Variants in LRP1B observed in about 807,000 individuals in gnomAD.
LRP1B encodes the protein low-density lipoprotein receptor-related protein 1B.
A neutral mutation model predicts 556.6 loss-of-function variants in LRP1B; 217 were observed. The ratio of observed to expected loss-of-function variants is 0.39; its 90% CI spans 0.35 to 0.44. The LOEUF is 0.44. LRP1B is among the 20% of genes least tolerant of loss of function. The pLI, the probability that LRP1B is intolerant of heterozygous loss-of-function variation, is 1.00. For missense variants in LRP1B, 5,053 were observed against 5,620.8 expected, an observed-to-expected ratio of 0.90 and a Z score of 3.23; for synonymous variants, 2,047 against 1,865.8, an observed-to-expected ratio of 1.10 and a Z score of -2.50.
At chr2:141,517,623 T>TA (rs1395109080) in intron 2 of LRP1B, among the ~76,000 whole-genome samples, 2 of 152,024 alleles carry the variant, frequency 1.3e-5, no homozygotes, top group Admixed American at 6.6e-5. Flanking sequence ...ATGCAAAAAA[T>TA]AAAAAAATAA....
At chr2:140,439,925 G>T (rs1318866585) in intron 66 of LRP1B, among the ~76,000 whole-genome samples, 2 of 151,896 alleles carry the variant, frequency 1.3e-5, no homozygotes, top group African/African-American at 2.4e-5. Context: ...CCCATTATAT[G>T]TATATTTTGT....
chr2:141,447,713 A>C (rs1573956146), intron 3 of LRP1B, among the ~76,000 whole-genome samples: 2 of 152,038 alleles, frequency 1.3e-5, no homozygotes. Context: ...TCCACTCCAG[A>C]CCCTGTTTGC....
intron 41 of LRP1B, among the ~76,000 whole-genome samples, chr2:140,605,023 A>G (rs1267794122): frequency 6.6e-6 from 1 of 152,114 alleles, no homozygotes; most frequent in African/African-American, 2.4e-5. Context: ...AGTCTCGGGT[A>G]TGTCTTTATT....
intron 1 of LRP1B, among the ~76,000 whole-genome samples, chr2:141,957,507 A>T (rs1456121927): frequency 6.6e-6 from 1 of 151,798 alleles, no homozygotes; most frequent in Non-Finnish European, 1.5e-5. Context: ...GTCACAGCTG[A>T]GAGGTATTAA....
chr2:140,734,922 G>T (rs1267000001), intron 35 of LRP1B, among the ~76,000 whole-genome samples: 1 of 152,020 alleles, frequency 6.6e-6, no homozygotes, highest in Non-Finnish European at 1.5e-5. Context: ...CTTTCATATG[G>T]CTCAGATCTG....
chr2:140,944,779 C>T (rs1472823708), intron 20 of LRP1B, among the ~76,000 whole-genome samples: 1 of 152,100 alleles, frequency 6.6e-6, no homozygotes, highest in Non-Finnish European at 1.5e-5. Context: ...TAAGAGCTGT[C>T]TATGACAAAC....
intron 2 of LRP1B, among the ~76,000 whole-genome samples, chr2:141,746,234 T>C (rs1693911116): frequency 6.6e-6 from 1 of 152,076 alleles, no homozygotes. Flanking sequence ...GTTGTAGTCT[T>C]TATGGCCTAG....
intron 83 of LRP1B, among the ~76,000 whole-genome samples, 154 bp from the exon 84 acceptor site, chr2:140,298,123 T>G (rs1471318176): frequency 1.3e-5 from 2 of 152,198 alleles, no homozygotes; most frequent in Non-Finnish European, 2.9e-5. Context: ...AAGACTTCTT[T>G]GGGTCTCAGT....
At chr2:141,991,411 T>C (rs967474260) in intron 1 of LRP1B, among the ~76,000 whole-genome samples, 1 of 152,040 alleles carries the variant, frequency 6.6e-6, no homozygotes, top group African/African-American at 2.4e-5. Context: ...TTGTGCCCTG[T>C]GCCAATCCTT....
At chr2:140,260,668 C>CTT (rs1471588265) in intron 86 of LRP1B, among the ~76,000 whole-genome samples, 17 of 151,536 alleles carry the variant, frequency 1.1e-4, no homozygotes, top group Non-Finnish European at 2.2e-4. Context: ...AATCCCTTTC[C>CTT]CTATATAGCC....
chr2:140,661,958 C>A (rs1045872435), intron 41 of LRP1B, among the ~76,000 whole-genome samples: 1 of 152,072 alleles, frequency 6.6e-6, no homozygotes, highest in Non-Finnish European at 1.5e-5. Flanking sequence ...TGACATAAGT[C>A]ATCTGAATAA....
chr2:141,817,121 G>T (rs530591826), intron 1 of LRP1B, among the ~76,000 whole-genome samples: 10 of 152,166 alleles, frequency 6.6e-5, no homozygotes, highest in African/African-American at 2.4e-4. Flanking sequence ...AGCTAAACAT[G>T]TTGTATATAT....
At chr2:140,516,354 A>G (rs920361354) in intron 50 of LRP1B, among the ~76,000 whole-genome samples, 1 of 152,112 alleles carries the variant, frequency 6.6e-6, no homozygotes, top group East Asian at 1.9e-4. Context: ...ACATTGTATT[A>G]GGCATTATAA....
chr2:141,715,758 T>C (rs1289451786), intron 2 of LRP1B, among the ~76,000 whole-genome samples: 1 of 152,096 alleles, frequency 6.6e-6, no homozygotes, highest in East Asian at 1.9e-4. Context: ...GAGGTTGTAG[T>C]GAGCCAAGAT....
intron 2 of LRP1B, among the ~76,000 whole-genome samples, chr2:141,611,852 C>A (rs1688118668): frequency 6.6e-6 from 1 of 152,140 alleles, no homozygotes; most frequent in African/African-American, 2.4e-5. Flanking sequence ...GGTGTATGGT[C>A]TCATTTTATT....
intron 14 of LRP1B, 134 bp from the exon 15 acceptor site, chr2:141,005,591 G>T: frequency 1.5e-6 from 1 of 670,296 alleles, no homozygotes; most frequent in Non-Finnish European, 2.2e-6. Context: ...GAAGATTTCT[G>T]TTGAATCATA....
intron 41 of LRP1B, among the ~76,000 whole-genome samples, chr2:140,612,621 T>C (rs113501530): frequency 0.02 from 3,045 of 152,220 alleles, 107 homozygotes; most frequent in African/African-American, 0.069. Flanking sequence ...AGCATTTTCA[T>C]TATGGTGGAA....
rs966036383 is a variant in LRP1B at position 140,813,534 on chromosome 2, T to C, written c.5359+123A>G. 1.6e-5 allele frequency: 12 copies of C among 758,610 alleles called. No individual in the cohort carries two copies. In the Admixed American group the frequency reaches 2.9e-4, roughly 18 times the overall value. 47.0% of individuals were successfully genotyped at this position (758,610 alleles called of 1,614,324 possible). On this transcript the variant is annotated intron_variant, in intron 32 of 90. Coordinates refer to ENST00000389484, the MANE Select transcript of LRP1B (RefSeq NM_018557.3). ...GGAAGAGAAGAAAACCTCATAGAAG[T>C]GTTCAATTTGAATATAGTTCTGGTG...
At chr2:141,183,091 G>C (rs1681077495) in intron 7 of LRP1B, among the ~76,000 whole-genome samples, 1 of 151,870 alleles carries the variant, frequency 6.6e-6, no homozygotes. Context: ...TTGGGGGTGG[G>C]GGAGCAATCT....
Sources: gnomAD v4.1 joint callset for allele counts (sites outside exome capture counted in the v4.1 genomes callset) on GRCh38, gnomAD v4.1.1 for gene constraint, MANE v1.5 for transcripts, NCBI Gene and HGNC (gene_info 2026-07-23, HGNC 2026-07-21) for gene names.